Variants in AGPS observed in about 807,000 individuals in gnomAD.
The protein encoded by AGPS is alkyldihydroxyacetonephosphate synthase, peroxisomal.
AGPS carries 26 observed loss-of-function variants against 90.7 expected under a neutral mutation model. The ratio of observed to expected loss-of-function variants is 0.29; its 90% confidence interval spans 0.21 to 0.40. The LOEUF (loss-of-function observed/expected upper bound fraction) is 0.40. Among genes scored for constraint, AGPS ranks in the 10% least tolerant of loss-of-function variants. The probability of loss-of-function intolerance (pLI) is 1.00; values close to 1 mark genes in which losing one functional copy is unlikely to be tolerated. For synonymous variants in AGPS, 294 were observed against 285.3 expected (o/e 1.03, Z -0.31); for missense variants, 540 against 816.1 (o/e 0.66, Z 4.12).
chr2:177,393,544 C>A, intron 1 of AGPS: 1 of 985,214 alleles, frequency 1.0e-6, no homozygotes, highest in Non-Finnish European at 1.2e-6. Context: ...GGGGTAAGTT[C>A]CACTTGCTTA....
intron 15 of AGPS, among the ~76,000 whole-genome samples, chr2:177,506,747 A>G (rs1688726590): frequency 6.6e-6 from 1 of 152,022 alleles, no homozygotes; most frequent in Non-Finnish European, 1.5e-5. Flanking sequence ...TGTACTGATC[A>G]TGAAAGGTAA....
intron 8 of AGPS, among the ~76,000 whole-genome samples, chr2:177,447,557 CTTT>C (rs1686814868): frequency 6.7e-6 from 1 of 150,316 alleles, no homozygotes; most frequent in East Asian, 1.9e-4. Context: ...AATTTTGTAT[CTTT>C]ATTATAGCAT....
intron 17 of AGPS, among the ~76,000 whole-genome samples, chr2:177,520,701 T>G (rs901548506): frequency 2.6e-5 from 4 of 152,226 alleles, no homozygotes; most frequent in Non-Finnish European, 5.9e-5. Flanking sequence ...GTGCATAAAA[T>G]TTGTTAAATA....
intron 16 of AGPS, among the ~76,000 whole-genome samples, chr2:177,513,197 C>T (rs1688930313): frequency 6.6e-6 from 1 of 152,106 alleles, no homozygotes; most frequent in Non-Finnish European, 1.5e-5. Flanking sequence ...TGGGCTCCAG[C>T]GATTCTCCCA....
chr2:177,509,142 G>A (rs1331055479), intron 16 of AGPS, among the ~76,000 whole-genome samples: 1 of 151,936 alleles, frequency 6.6e-6, no homozygotes, highest in Admixed American at 6.6e-5. Flanking sequence ...TTTTCTACAT[G>A]CAGTCATCAT....
rs759052412 is a variant in AGPS at position 177,499,673 on chromosome 2, A to C, written c.1418A>C (p.Asp473Ala). ...GTAGCCACATTACTGTTTGAGGGGGATCGTGAGAAGGTTCTTCAACATGAA... is the reference window on the plus strand; with the variant it reads ...GTAGCCACATTACTGTTTGAGGGGGCTCGTGAGAAGGTTCTTCAACATGAA... ...LSVATLLFEGDREKVLQHEKQ... is the reference protein window; with the variant it reads ...LSVATLLFEGAREKVLQHEKQ... Residue 473 changes from aspartate to alanine, a missense_variant, in exon 14 of 20, where the codon GAT (aspartate) becomes GCT (alanine). By Grantham distance (126) the Asp-to-Ala change is moderately radical. This residue lies in a region of AGPS where 405 missense variants were observed against 692.1 expected (regional missense o/e 0.59). Coordinates refer to ENST00000264167, the MANE Select transcript of AGPS (RefSeq NM_003659.4). 2 of 1,611,448 alleles carry C rather than the reference A, an allele frequency of 1.2e-6. No homozygotes were observed. The highest frequency in any genetic ancestry group is 1.7e-6 in the Non-Finnish European group (2 of 1,178,766).
At chr2:177,456,311 A>G (rs1212462673) in intron 8 of AGPS, among the ~76,000 whole-genome samples, 1 of 152,224 alleles carries the variant, frequency 6.6e-6, no homozygotes, top group Non-Finnish European at 1.5e-5. Flanking sequence ...AAGCGGCTAA[A>G]TGTATATGAT....
At chr2:177,467,554 A>C (rs1687490844) in intron 9 of AGPS, among the ~76,000 whole-genome samples, 1 of 152,092 alleles carries the variant, frequency 6.6e-6, no homozygotes, top group Admixed American at 6.5e-5. Context: ...ATTCTCACTA[A>C]CACCATGAGA....
intron 19 of AGPS, among the ~76,000 whole-genome samples, chr2:177,527,872 C>G (rs936494482): frequency 2.6e-5 from 4 of 152,126 alleles, no homozygotes; most frequent in Middle Eastern, 3.2e-3. Flanking sequence ...TATCCTATTT[C>G]TTGTATTTTT....
chr2:177,434,429 A>G lies in AGPS; in HGVS notation c.441+12A>G, dbSNP rs1178789619. ...AAACTACCTCTAAAGTAAGCAAACAAAAATTATTACTAACTCATTTAACTG... is the reference window on the plus strand; with the variant it reads ...AAACTACCTCTAAAGTAAGCAAACAGAAATTATTACTAACTCATTTAACTG... On this transcript the variant is annotated intron_variant, in intron 3 of 19. Coordinates refer to ENST00000264167, the MANE Select transcript of AGPS (RefSeq NM_003659.4). 3 of 1,574,320 alleles carry G rather than the reference A, an allele frequency of 1.9e-6. No individual in the cohort carries two copies. The highest frequency in any genetic ancestry group is 2.2e-5 in the East Asian group (1 of 44,582).
At chr2:177,399,869 G>T (rs1288730891) in intron 1 of AGPS, among the ~76,000 whole-genome samples, 1 of 152,006 alleles carries the variant, frequency 6.6e-6, no homozygotes, top group African/African-American at 2.4e-5. Context: ...TTTTGTGTTT[G>T]GCTTCTTTCC....
intron 10 of AGPS, among the ~76,000 whole-genome samples, chr2:177,474,763 A>T (rs577333709): frequency 6.6e-6 from 1 of 152,194 alleles, no homozygotes; most frequent in African/African-American, 2.4e-5. Context: ...CAGCTGCATG[A>T]TATTCCATTC....
rs954236668 is a variant in AGPS at position 177,436,632 on chromosome 2, G to A, written c.442-132G>A. On this transcript the variant is annotated intron_variant, in intron 3 of 19. Coordinates refer to ENST00000264167, the MANE Select transcript of AGPS (RefSeq NM_003659.4). ...AGCTGATTTCTATATATGTTGTGTTGTATTTTCCTATGCTTCAGCCTTACT... is the reference window on the plus strand; with the variant it reads ...AGCTGATTTCTATATATGTTGTGTTATATTTTCCTATGCTTCAGCCTTACT... 3.7e-6 allele frequency: 3 copies of A among 815,128 alleles called. No individual in the cohort carries two copies. In the Admixed American group the frequency reaches 7.2e-5, roughly 20 times the overall value. The allele number at this position is 815,128 out of a possible 1,614,324, so 50.5% of individuals were successfully genotyped here.
intron 8 of AGPS, among the ~76,000 whole-genome samples, chr2:177,460,723 A>G (rs1687267470): frequency 6.6e-6 from 1 of 152,190 alleles, no homozygotes; most frequent in Non-Finnish European, 1.5e-5. Context: ...ATATAATGTA[A>G]CAGTCTGATA....
intron 8 of AGPS, among the ~76,000 whole-genome samples, chr2:177,447,879 G>A (rs912624630): frequency 6.6e-6 from 1 of 152,042 alleles, no homozygotes; most frequent in African/African-American, 2.4e-5. Context: ...TTTTCTTTCT[G>A]CAAGCTTAAA....
intron 1 of AGPS, among the ~76,000 whole-genome samples, chr2:177,403,733 C>A (rs781004937): frequency 6.6e-6 from 1 of 152,172 alleles, no homozygotes; most frequent in Non-Finnish European, 1.5e-5. Flanking sequence ...ATAATAATGT[C>A]TTGAAATTGC....
At chr2:177,480,364 T>C (rs1332134143) in intron 10 of AGPS, among the ~76,000 whole-genome samples, 6 of 152,158 alleles carry the variant, frequency 3.9e-5, no homozygotes, top group Non-Finnish European at 8.8e-5. Context: ...TAAGAAAATG[T>C]GGCACATATA....
intron 19 of AGPS, among the ~76,000 whole-genome samples, chr2:177,528,871 T>TG: frequency 6.7e-6 from 1 of 148,216 alleles, no homozygotes; most frequent in East Asian, 2.0e-4. Context: ...TTTTTTTTTT[T>TG]TGAGATGGAG....
In AGPS at chr2:177,420,094, T is replaced by C. The variant is rs138941129; in HGVS notation, c.261-175T>C. On this transcript the variant is annotated intron_variant, in intron 1 of 19. Transcript: ENST00000264167. ...GGTGCTGCTCATCAGAGTGATTCTA[T>C]ATTCAGAAATATTAGTATATGGACA... Among the ~76,000 whole-genome samples the C allele has an allele frequency of 5.5e-3, 841 of 151,964 alleles. 4 individuals are homozygous for C. Among genetic ancestry groups the C allele is most frequent in the African/African-American group, 0.019 (791 of 41,570 alleles).
Sources: gnomAD v4.1 joint callset for allele counts (sites outside exome capture counted in the v4.1 genomes callset) on GRCh38, gnomAD v4.1.1 for gene constraint, gnomAD v4.1.1 regional missense constraint, MANE v1.5 for transcripts, NCBI Gene and HGNC (gene_info 2026-07-23, HGNC 2026-07-21) for gene names.